The following ALAD variants were observed in gnomAD, a reference collection of about 807,000 sequenced individuals.
ALAD encodes the protein delta-aminolevulinic acid dehydratase.
ALAD carries 20 observed loss-of-function variants against 44.4 expected under a neutral mutation model. That is an observed-to-expected ratio of 0.45 (90% confidence interval 0.32 to 0.65). The LOEUF (loss-of-function observed/expected upper bound fraction) is 0.65, where lower values mean the gene tolerates loss of function less well. Among genes scored for constraint, ALAD ranks in the 30% least tolerant of loss-of-function variants. ALAD has a pLI of 0.05. For missense variants in ALAD, 323 were observed against 445.7 expected (o/e 0.72, Z 2.48); for synonymous variants, 156 against 167.9 (o/e 0.93, Z 0.55).
rs1189758003 is a variant in ALAD at position 113,389,005 on chromosome 9, C to T, written c.903G>A (p.Leu301=). ...AGAFDLKAAV[L]EAMTAFRRAG... ...CTCTGCGGAAGGCAGTCATGGCCTC[C>T]AGTACGGCAGCCTTGAGATCAAATG... Residue 301 remains leucine, a synonymous_variant, in exon 11 of 12, where the codon CTG becomes CTA. Transcript: ENST00000409155. 5 of 1,613,794 alleles carry T rather than the reference C, an allele frequency of 3.1e-6. No individual in the cohort carries two copies. The African/African-American group carries it at 5.3e-5, about 17-fold the overall frequency.
rs944834366 is a variant in ALAD, at chr9:113,386,844, C to T, written c.*1456G>A. ...CTCCACCCCGACCCTGCTTCTGTTC[C>T]TCTTCCAGGCTGCCCCATCTCAGTA... On this transcript the variant is annotated 3_prime_UTR_variant, in exon 12 of 12. Coordinates refer to ENST00000409155, the MANE Select transcript of ALAD (RefSeq NM_000031.6). 2.0e-5 allele frequency: 3 copies of T among 152,206 alleles called. No individual in the cohort carries two copies. The highest frequency in any genetic ancestry group is 7.2e-5 in the African/African-American group (3 of 41,436). 9.4% of individuals were successfully genotyped at this position (152,206 alleles called of 1,614,324 possible).
Position 113,393,627 on chromosome 9 carries a change from G to A in ALAD, c.-68C>T, listed in dbSNP as rs529979979. On this transcript the variant is annotated 5_prime_UTR_variant, in exon 2 of 12. Coordinates refer to ENST00000409155, the MANE Select transcript of ALAD (RefSeq NM_000031.6). ...GAGGGCTCCTGGGGCATTGGCTGCA[G>A]GCTCTGTCTGTGGGGGGTGATGGGT... 3 of 1,335,232 alleles carry A rather than the reference G, an allele frequency of 2.2e-6. No individual in the cohort carries two copies. In the East Asian group the frequency reaches 6.9e-5, roughly 31 times the overall value. 82.7% of individuals were successfully genotyped at this position (1,335,232 alleles called of 1,614,324 possible).
chr9:113,397,718 G>A (rs2119011222), intron 1 of ALAD, among the ~76,000 whole-genome samples: 1 of 145,962 alleles, frequency 6.9e-6, no homozygotes, highest in Admixed American at 7.1e-5. Context: ...TCCACCTCCT[G>A]GGTTCAAGTG....
intron 2 of ALAD, 73 bp from the exon 3 acceptor site, chr9:113,392,242 A>T (rs1173172393): frequency 6.2e-7 from 1 of 1,610,122 alleles, no homozygotes; most frequent in East Asian, 2.2e-5. Context: ...ACTGAGAGGG[A>T]TGGTTGGGAA....
chr9:113,386,390 C>T lies in ALAD; in HGVS notation c.*1910G>A, dbSNP rs1409508923. On this transcript the variant is annotated 3_prime_UTR_variant, in exon 12 of 12. Coordinates refer to ENST00000409155, the MANE Select transcript of ALAD (RefSeq NM_000031.6). ...ATAGATTTTGTGTTGGATAGTTTTG[C>T]CCACTGTAGGCTAATGTAAGTGTTC... is the stretch of plus-strand genomic sequence containing the variant. The T allele has an allele frequency of 1.3e-5, 2 of 152,090 alleles. No homozygotes were observed. The highest frequency in any genetic ancestry group is 4.2e-4 in the South Asian group (2 of 4,814). The allele number at this position is 152,090 out of a possible 1,614,324, so 9.4% of individuals were successfully genotyped here.
chr9:113,389,144 G>A, intron 10 of ALAD, 38 bp from the exon 11 acceptor site: 1 of 1,613,054 alleles, frequency 6.2e-7, no homozygotes, highest in Non-Finnish European at 8.5e-7. Flanking sequence ...CTGAAATGGA[G>A]GGTGGATGTG....
rs1217485271 is a variant in ALAD at position 113,386,406 on chromosome 9, G to GT, written c.*1893dup. 1 of 152,292 alleles carries GT rather than the reference G, an allele frequency of 6.6e-6. No homozygotes were observed. Among genetic ancestry groups the GT allele is most frequent in the Non-Finnish European group, 1.5e-5 (1 of 68,028 alleles). The allele number at this position is 152,292 out of a possible 1,614,324, so 9.4% of individuals were successfully genotyped here. A position where few individuals can be genotyped will look rare whatever the true frequency, so the allele number is the denominator to read the frequency against. On this transcript the variant is annotated 3_prime_UTR_variant, in exon 12 of 12. Transcript: ENST00000409155. ...ATAGTTTTGCCCACTGTAGGCTAAT[G>GT]TAAGTGTTCTGAGCATGTTTAAGGC...
intron 3 of ALAD, among the ~76,000 whole-genome samples, chr9:113,391,826 C>T (rs1827594118): frequency 2.0e-5 from 3 of 152,204 alleles, no homozygotes; most frequent in South Asian, 4.1e-4. Flanking sequence ...CTCCGGAATT[C>T]GGCTGTGGAA....
At chr9:113,393,132 C>G (rs936840717) in intron 2 of ALAD, 4 of 356,472 alleles carry the variant, frequency 1.1e-5, no homozygotes, top group Non-Finnish European at 2.1e-5. Context: ...TGACTGCCAT[C>G]TCTTACAGGT....
In ALAD at chr9:113,389,688, T is replaced by C. The variant is rs774779771; in HGVS notation, c.627-2A>G. ...GCTGGGCTTGACTTAGCTGCATCCCTGCAAAGCAGAGTCATCAGGGTGGGC... is the reference window on the plus strand; with the variant it reads ...GCTGGGCTTGACTTAGCTGCATCCCCGCAAAGCAGAGTCATCAGGGTGGGC... On this transcript the variant is annotated splice_acceptor_variant, in intron 8 of 11. Coordinates refer to ENST00000409155, the MANE Select transcript of ALAD (RefSeq NM_000031.6). LOFTEE classifies it high-confidence loss of function. 3.1e-6 allele frequency: 5 copies of C among 1,614,130 alleles called. No individual in the cohort carries two copies. In the South Asian group the frequency reaches 5.5e-5, roughly 18 times the overall value.
chr9:113,395,428 T>G (rs556134465), intron 1 of ALAD, among the ~76,000 whole-genome samples: 2 of 152,340 alleles, frequency 1.3e-5, no homozygotes, highest in East Asian at 1.9e-4. Flanking sequence ...AGACAGAGCT[T>G]CTGCAGGGCA....
At position 113,390,893 on chromosome 9, in the gene ALAD, G is replaced by A. The variant is rs947093355; in HGVS notation, c.302C>T (p.Ala101Val). ...CCTCAACAGATGGATTGCCTCAATAGCTGGGGACTCCTCGGAGTCAGCTGC... is the reference window on the plus strand; with the variant it reads ...CCTCAACAGATGGATTGCCTCAATAACTGGGGACTCCTCGGAGTCAGCTGC... ...GSAADSEESP[A>V]IEAIHLLRKT... Residue 101 changes from alanine (A) to valine (V), a missense_variant, in exon 5 of 12, where the codon GCT becomes GTT. By Grantham distance (64) the Ala-to-Val change is moderately conservative (BLOSUM62 0). Transcript: ENST00000409155. The A allele has an allele frequency of 6.2e-7, 1 of 1,614,056 alleles. No homozygotes were observed. Among genetic ancestry groups the A allele is most frequent in the Non-Finnish European group, 8.5e-7 (1 of 1,180,040 alleles).
rs1221842094 is a variant in ALAD at position 113,390,841 on chromosome 9, G to T, written c.354C>A (p.Ala118=). The part of the protein sequence containing the change: ...LRKTFPNLLV[A]CDVCLCPYTS... Reference sequence around the variant, plus strand: ...TGTAGGGACACAGGCAGACATCACAGGCCACCAGGAGGTTGGGGAAGGTCT... The same window carrying T: ...TGTAGGGACACAGGCAGACATCACATGCCACCAGGAGGTTGGGGAAGGTCT... Residue 118 remains alanine, a synonymous_variant, in exon 5 of 12, where the codon GCC becomes GCA. Coordinates refer to ENST00000409155, the MANE Select transcript of ALAD (RefSeq NM_000031.6). The T allele has an allele frequency of 1.2e-6, 2 of 1,613,708 alleles. No homozygotes were observed. The highest frequency in any genetic ancestry group is 1.7e-6 in the Non-Finnish European group (2 of 1,179,924).
At chr9:113,392,398 C>T (rs965490333) in intron 2 of ALAD, 82 of 1,287,706 alleles carry the variant, frequency 6.4e-5, no homozygotes, top group African/African-American at 2.8e-4. Flanking sequence ...ACTAAAAGAA[C>T]GGTAATTACA....
Position 113,400,175 on chromosome 9 carries a change from G to A in ALAD, c.-76+1037C>T, listed in dbSNP as rs547137805. 3.3e-4 allele frequency among the ~76,000 whole-genome samples: 51 copies of A among 152,316 alleles called. No homozygotes were observed. In the South Asian group the frequency reaches 4.6e-3, roughly 14 times the overall value. On this transcript the variant is annotated intron_variant, in intron 1 of 11. Transcript: ENST00000409155. The stretch of plus-strand genomic sequence containing the variant: ...TTGCTGATTGTATCACTGAAACAAG[G>A]GTGAAACTGGGCTCAGAGAGGGGTA...
Position 113,389,462 on chromosome 9 carries a change from G to A in ALAD, c.777C>T (p.Asp259=). 1 of 1,613,900 alleles carries A rather than the reference G, an allele frequency of 6.2e-7. No homozygotes were observed. The part of the protein sequence containing the change: ...LMVKPGMPYL[D]IVREVKDKHP... ...CCTTGTCCTTTACCTCCCGCACGAT[G>A]TCCAGGTAGGGCATTCCCGGCTTCA... Residue 259 remains aspartate, a synonymous_variant, in exon 10 of 12, where the codon GAC becomes GAT. Transcript: ENST00000409155.
intron 1 of ALAD, chr9:113,397,125 T>C (rs549700125): frequency 6.6e-6 from 1 of 152,286 alleles, no homozygotes; most frequent in South Asian, 2.1e-4. Context: ...TTTGGTAGGT[T>C]GGAGTCAAGT....
chr9:113,398,496 C>G (rs773359836), intron 1 of ALAD, among the ~76,000 whole-genome samples: 1 of 152,126 alleles, frequency 6.6e-6, no homozygotes, highest in Non-Finnish European at 1.5e-5. Context: ...AGCCTGAGAC[C>G]GGGGCAGGGT....
chr9:113,389,241 A>G, intron 10 of ALAD, 135 bp from the exon 11 acceptor site: 1 of 1,418,404 alleles, frequency 7.1e-7, no homozygotes, highest in African/African-American at 1.4e-5. Context: ...AGCCTGGCCC[A>G]CTCTTGAACT....
Sources: gnomAD v4.1 joint callset for allele counts (sites outside exome capture counted in the v4.1 genomes callset) on GRCh38, gnomAD v4.1.1 for gene constraint, MANE v1.5 for transcripts, NCBI Gene and HGNC (gene_info 2026-07-23, HGNC 2026-07-21) for gene names.